Variants in ZFPM1 observed in about 807,000 individuals in gnomAD.
The protein encoded by ZFPM1 is zinc finger protein, FOG family member 1, also known as zinc finger protein ZFPM1.
Under a neutral mutation model 46.3 loss-of-function variants are expected in ZFPM1, and 28 were observed. That is an observed-to-expected ratio of 0.60 (90% CI 0.45 to 0.83). The LOEUF (loss-of-function observed/expected upper bound fraction) is 0.83. Among genes scored for constraint, ZFPM1 ranks in the 40% least tolerant of loss-of-function variants. The pLI, the probability that ZFPM1 is intolerant of heterozygous loss-of-function variation, is 0.00. For synonymous variants in ZFPM1, 957 were observed against 675.9 expected (o/e 1.42, Z -6.45); for missense variants, 1,878 against 1,432.4 (o/e 1.31, Z -5.02).
Position 88,534,312 on chromosome 16 carries a change from G to T in ZFPM1, c.2354G>T (p.Arg785Leu). 7.6e-7 allele frequency: 1 copy of T among 1,309,050 alleles called. No homozygotes were observed. Among genetic ancestry groups the T allele is most frequent in the East Asian group, 3.6e-5 (1 of 27,530 alleles). The allele number at this position is 1,309,050 out of a possible 1,614,324, so 81.1% of individuals were successfully genotyped here. A position where few individuals can be genotyped will look rare whatever the true frequency, so the allele number is the denominator to read the frequency against. ...SGSGPGLAPARSPGPAADGPI... is the reference protein window; with the variant it reads ...SGSGPGLAPALSPGPAADGPI... ...AGCGGCCCCGGCCTCGCCCCTGCGC[G>T]CTCGCCCGGCCCCGCGGCCGACGGC... The change falls in exon 10 of 10, where the codon CGC (arginine) becomes CTC (leucine). Residue 785 changes from arginine (R) to leucine (L), a missense_variant. Arg to Leu is a moderately radical substitution (Grantham distance 102, BLOSUM62 -2). Coordinates refer to ENST00000319555, the MANE Select transcript of ZFPM1 (RefSeq NM_153813.3).
intron 1 of ZFPM1, among the ~76,000 whole-genome samples, chr16:88,474,519 TGCCTCCCCGCCACCC>T (rs1170098783): frequency 6.6e-6 from 1 of 151,786 alleles, no homozygotes; most frequent in African/African-American, 2.4e-5. Context: ...TCCAGCCCCC[TGCCTCCCCGCCACCC>T]GCCTCCTCCC....
chr16:88,511,471 CTG>C (rs1419136139), intron 3 of ZFPM1, among the ~76,000 whole-genome samples: 1 of 151,548 alleles, frequency 6.6e-6, no homozygotes, highest in Non-Finnish European at 1.5e-5. Flanking sequence ...AAACAACTGC[CTG>C]TGTCTTCCTG....
chr16:88,529,869 TAATAGCCCATGTTATGTGCTGGTGGG>T (rs1322485719), intron 6 of ZFPM1, among the ~76,000 whole-genome samples: 1 of 152,106 alleles, frequency 6.6e-6, no homozygotes, highest in African/African-American at 2.4e-5. Context: ...AGCCAGGACA[TAATAGCCCATGTTATGTGCTGGTGGG>T]AATAGCTGGT....
intron 1 of ZFPM1, among the ~76,000 whole-genome samples, chr16:88,482,388 C>T (rs1312136156): frequency 6.6e-6 from 1 of 152,178 alleles, no homozygotes; most frequent in African/African-American, 2.4e-5. Context: ...TATTTGTGGG[C>T]TGACAGTTGT....
intron 1 of ZFPM1, 26 bp from the exon 2 acceptor site, chr16:88,485,913 G>A (rs773964250): frequency 2.2e-5 from 35 of 1,609,944 alleles, no homozygotes; most frequent in African/African-American, 4.0e-5. Context: ...AGCTCCTCCC[G>A]AACCCCCATC....
Position 88,532,953 on chromosome 16 carries a change from G to A in ZFPM1, c.1189+18G>A. On this transcript the variant is annotated intron_variant, in intron 9 of 9. Transcript: ENST00000319555. The stretch of plus-strand genomic sequence containing the variant: ...GCCCCCAGGTGAGCAGCCCTGTGGG[G>A]GCCACCCCTGCCCCTTAGGCCCCCT... 6.2e-7 allele frequency: 1 copy of A among 1,612,392 alleles called. No individual in the cohort carries two copies. The highest frequency in any genetic ancestry group is 1.1e-5 in the South Asian group (1 of 91,054).
At chr16:88,508,180 C>T (rs1190680609) in intron 3 of ZFPM1, among the ~76,000 whole-genome samples, 1 of 152,102 alleles carries the variant, frequency 6.6e-6, no homozygotes, top group African/African-American at 2.4e-5. Flanking sequence ...ACCTGTACTC[C>T]CAGCTACTCA....
At chr16:88,474,227 C>T (rs573897447) in intron 1 of ZFPM1, among the ~76,000 whole-genome samples, 6 of 152,352 alleles carry the variant, frequency 3.9e-5, no homozygotes, top group Admixed American at 6.5e-5. Context: ...TTGCCCCGCC[C>T]GGGCCACTGC....
At chr16:88,482,556 C>T (rs1908996982) in intron 1 of ZFPM1, among the ~76,000 whole-genome samples, 1 of 152,174 alleles carries the variant, frequency 6.6e-6, no homozygotes, top group South Asian at 2.1e-4. Flanking sequence ...CCCTGGGTGT[C>T]TGAGGCCCAC....
intron 1 of ZFPM1, among the ~76,000 whole-genome samples, chr16:88,466,994 G>A (rs114261944): frequency 0.025 from 3,798 of 152,130 alleles, 148 homozygotes; most frequent in African/African-American, 0.087. Flanking sequence ...ACACGAGCCG[G>A]GGCGAGGGTC....
chr16:88,522,088 C>T (rs994451055), intron 4 of ZFPM1: 1 of 152,448 alleles, frequency 6.6e-6, no homozygotes, highest in Admixed American at 6.5e-5. Context: ...CTGTGTTCCC[C>T]ACACCTGGCA....
At position 88,490,059 on chromosome 16, in the gene ZFPM1, T is replaced by A. The variant is rs373465393; in HGVS notation, c.268+906T>A. On this transcript the variant is annotated intron_variant, in intron 3 of 9. Transcript: ENST00000319555. ...ACAGATGCAGCAAGTATTTATTATTTTTTTTTTTTTTTGAGATGGAGTCTC... is the reference window on the plus strand; with the variant it reads ...ACAGATGCAGCAAGTATTTATTATTATTTTTTTTTTTTGAGATGGAGTCTC... 6.1e-3 allele frequency among the ~76,000 whole-genome samples: 916 copies of A among 150,212 alleles called. 3 individuals are homozygous for A. Among genetic ancestry groups the A allele is most frequent in the Non-Finnish European group, 9.6e-3 (645 of 67,422 alleles).
chr16:88,495,739 A>G (rs576864482), intron 3 of ZFPM1, among the ~76,000 whole-genome samples: 1 of 152,268 alleles, frequency 6.6e-6, no homozygotes, highest in East Asian at 1.9e-4. Flanking sequence ...CCGGGGCTCT[A>G]TGGCCCCGGA....
intron 4 of ZFPM1, 60 bp from the exon 5 acceptor site, chr16:88,526,754 G>T: frequency 6.6e-7 from 1 of 1,521,156 alleles, no homozygotes; most frequent in Non-Finnish European, 8.9e-7. Flanking sequence ...ATACTCACGG[G>T]AACCCCCAGG....
intron 3 of ZFPM1, among the ~76,000 whole-genome samples, chr16:88,492,768 G>C (rs1331917307): frequency 6.6e-6 from 1 of 152,164 alleles, no homozygotes; most frequent in African/African-American, 2.4e-5. Context: ...CCTGTCCCTG[G>C]TGGTCCCAGA....
At chr16:88,465,140 C>T (rs1473430474) in intron 1 of ZFPM1, among the ~76,000 whole-genome samples, 2 of 152,210 alleles carry the variant, frequency 1.3e-5, no homozygotes, top group South Asian at 2.1e-4. Context: ...ACAGAGCATC[C>T]GGCCTACACC....
chr16:88,491,576 G>A (rs1279958767), intron 3 of ZFPM1, among the ~76,000 whole-genome samples: 2 of 152,210 alleles, frequency 1.3e-5, no homozygotes, highest in African/African-American at 2.4e-5. Flanking sequence ...CCATCCCTGC[G>A]GTGTTGAGAG....
chr16:88,530,604 C>G (rs1912711470), intron 6 of ZFPM1: 1 of 152,242 alleles, frequency 6.6e-6, no homozygotes, highest in African/African-American at 2.4e-5. Context: ...TGCAGAGGCA[C>G]CTGCCTGGAG....
chr16:88,498,885 C>A (rs543179542), intron 3 of ZFPM1, among the ~76,000 whole-genome samples: 1 of 152,212 alleles, frequency 6.6e-6, no homozygotes, highest in Non-Finnish European at 1.5e-5. Flanking sequence ...GGCCCTGAGC[C>A]TTCCCATGAC....
Sources: gnomAD v4.1 joint callset for allele counts (sites outside exome capture counted in the v4.1 genomes callset) on GRCh38, gnomAD v4.1.1 for gene constraint, MANE v1.5 for transcripts, NCBI Gene and HGNC (gene_info 2026-07-23, HGNC 2026-07-21) for gene names.